MYO9B: variants seen among roughly 807,000 people sequenced by gnomAD.
The protein encoded by MYO9B is myosin IXB.
Under a neutral mutation model 229.5 loss-of-function variants are expected in MYO9B, and 71 were observed. The ratio of observed to expected loss-of-function variants is 0.31; its 90% CI spans 0.26 to 0.38. The LOEUF is 0.38. MYO9B is among the 10% of genes least tolerant of loss of function. MYO9B has a pLI of 1.00. For synonymous variants in MYO9B, 1,185 were observed against 1,235.8 expected (o/e 0.96, Z 0.86); for missense variants, 2,255 against 2,920.5 (o/e 0.77, Z 5.25).
rs1042895407 is a variant in MYO9B, at chr19:17,193,204, C to G, written c.3128+142C>G. The G allele has an allele frequency of 1.0e-6, 1 of 1,003,444 alleles. No individual in the cohort carries two copies. Among genetic ancestry groups the G allele is most frequent in the African/African-American group, 1.6e-5 (1 of 60,784 alleles). 62.2% of individuals were successfully genotyped at this position (1,003,444 alleles called of 1,614,324 possible). A position where few individuals can be genotyped will look rare whatever the true frequency, so the allele number is the denominator to read the frequency against. On this transcript the variant is annotated intron_variant, in intron 21 of 39. Transcript: ENST00000682292. This position sits in a 1 kb window ranked among gnomAD's most constrained non-coding sequence, Gnocchi z 4.3. The stretch of plus-strand genomic sequence containing the variant: ...ACACAGGGAAAGGCTGGTGGGAAAC[C>G]AGATGCCTAGGCACTCATGGGCTGC...
rs1266538258 is a variant in MYO9B at position 17,102,236 on chromosome 19, A to G, written c.519A>G (p.Gln173=). 4 of 1,552,712 alleles carry G rather than the reference A, an allele frequency of 2.6e-6. No individual in the cohort carries two copies. The highest frequency in any genetic ancestry group is 3.5e-6 in the Non-Finnish European group (4 of 1,148,904). ...ACCTCAAGCACCGCTTCCTGCAACA[A>G]AAGATCTACACGTACGCGGGGAGCA... ...LKNLKHRFLQ[Q]KIYTYAGSIL... The change falls in exon 2 of 40, where the codon CAA becomes CAG. Residue 173 remains glutamine, a synonymous_variant. Coordinates refer to ENST00000682292, the MANE Select transcript of MYO9B (RefSeq NM_004145.4).
At chr19:17,191,348 G>T in intron 20 of MYO9B, 129 bp downstream of exon 20, 1 of 1,240,542 alleles carries the variant, frequency 8.1e-7, no homozygotes, top group Non-Finnish European at 1.1e-6. Context: ...GCATTTCTCG[G>T]GACCCAGCAG....
rs775641760 is a variant in MYO9B at position 17,162,338 on chromosome 19, C to T, written c.1420-12C>T. On this transcript the variant is annotated splice_polypyrimidine_tract_variant and intron_variant, in intron 8 of 39. Transcript: ENST00000682292. ...CCGTGCCGGAGGTGAGTCACCCCCTCTGTGTCCACAGGCCATCACTGCCCG... is the reference window on the plus strand; with the variant it reads ...CCGTGCCGGAGGTGAGTCACCCCCTTTGTGTCCACAGGCCATCACTGCCCG... 4.5e-6 allele frequency: 7 copies of T among 1,558,228 alleles called. No homozygotes were observed. The highest frequency in any genetic ancestry group is 5.2e-6 in the Non-Finnish European group (6 of 1,152,904).
rs780851251 is a variant in MYO9B, at chr19:17,172,367, G to A, written c.1825G>A (p.Ala609Thr). 1 of 1,613,982 alleles carries A rather than the reference G, an allele frequency of 6.2e-7. No homozygotes were observed. Among genetic ancestry groups the A allele is most frequent in the Non-Finnish European group, 8.5e-7 (1 of 1,179,880 alleles). ...CCACGCCACGAGCCAGACCCTGCTG[G>A]CCAAGTTCAAACAGCAACATGAGGA... ...FPHATSQTLL[A>T]KFKQQHEDNK... The change falls in exon 12 of 40, where the codon GCC (alanine) becomes ACC (threonine). Residue 609 changes from alanine (A) to threonine (T), a missense_variant. By Grantham distance (58) the Ala-to-Thr change is moderately conservative (BLOSUM62 0). Coordinates refer to ENST00000682292, the MANE Select transcript of MYO9B (RefSeq NM_004145.4). This position sits in a 1 kb window ranked among gnomAD's most constrained non-coding sequence, Gnocchi z 8.2.
At chr19:17,112,450 C>T (rs62127867) in intron 2 of MYO9B, among the ~76,000 whole-genome samples, 21,263 of 152,200 alleles carry the variant, frequency 0.14, 1,751 homozygotes, top group Non-Finnish European at 0.19. Context: ...GCGGACGGGC[C>T]GGCTGGCGGG....
In MYO9B at chr19:17,211,929, G is replaced by GCCCCCCCCCCGCCCCCCC; in HGVS notation, c.6096_6097insCCCCCCCGCCCCCCCCCC (p.Pro2032_Thr2033insProProArgProProPro). ...CGCCTGCTCTCCCTTGCCCCGGCGC[G>GCCCCCCCCCCGCCCCCCC]CCCACCCCGAGCCCCCTCCCCACCG... On this transcript the variant is annotated inframe_insertion, in exon 40 of 40. Transcript: ENST00000682292. 3.2e-6 allele frequency: 5 copies of GCCCCCCCCCCGCCCCCCC among 1,552,372 alleles called. No homozygotes were observed. Among genetic ancestry groups the GCCCCCCCCCCGCCCCCCC allele is most frequent in the Admixed American group, 1.9e-5 (1 of 52,954 alleles).
intron 2 of MYO9B, among the ~76,000 whole-genome samples, chr19:17,119,694 C>T (rs2057942775): frequency 6.6e-6 from 1 of 152,172 alleles, no homozygotes; most frequent in South Asian, 2.1e-4. Flanking sequence ...TTCTGTCACC[C>T]AGGCTGGAGT....
At chr19:17,102,693 G>A in intron 2 of MYO9B, 136 bp downstream of exon 2, 1 of 1,274,334 alleles carries the variant, frequency 7.8e-7, no homozygotes, top group East Asian at 2.6e-5. Context: ...TTGAGCCCAG[G>A]AGTTCAAGAT....
chr19:17,095,732 G>T (rs183151491), intron 1 of MYO9B: 5 of 152,300 alleles, frequency 3.3e-5, no homozygotes, highest in Admixed American at 1.3e-4. Flanking sequence ...GAATTGCTAC[G>T]TCTGTATGTA....
chr19:17,197,811 T>C lies in MYO9B; in HGVS notation c.4066T>C (p.Ser1356Pro). 1 of 1,613,752 alleles carries C rather than the reference T, an allele frequency of 6.2e-7. No individual in the cohort carries two copies. The highest frequency in any genetic ancestry group is 8.5e-7 in the Non-Finnish European group (1 of 1,179,888). The change falls in exon 23 of 40, where the codon TCC becomes CCC. Residue 1356 changes from serine (S) to proline (P), a missense_variant. This residue lies in a region of MYO9B where 679 missense variants were observed against 770.2 expected (regional missense o/e 0.88). Coordinates refer to ENST00000682292, the MANE Select transcript of MYO9B (RefSeq NM_004145.4). ...TPTEERRTSF[S>P]TSDVSKLLPS... is the part of the protein sequence containing the mutation. ...TCGCAGGGAGAGGCGCACCTCCTTC[T>C]CCACGAGCGACGTCTCCAAGCTCCT...
chr19:17,111,994 G>A (rs998381985), intron 2 of MYO9B, among the ~76,000 whole-genome samples: 6 of 152,274 alleles, frequency 3.9e-5, no homozygotes, highest in Admixed American at 1.3e-4. Flanking sequence ...CATATTCCAC[G>A]GTATGGATGG....
rs377413547 is a variant in MYO9B, at chr19:17,180,985, C to G, written c.2278C>G (p.Pro760Ala). 2.3e-5 allele frequency: 37 copies of G among 1,611,258 alleles called. No individual in the cohort carries two copies. The highest frequency in any genetic ancestry group is 5.1e-6 in the Non-Finnish European group (6 of 1,178,930). The change falls in exon 15 of 40, where the codon CCC becomes GCC. Residue 760 changes from proline (P) to alanine (A), a missense_variant. By Grantham distance (27) the Pro-to-Ala change is conservative. Around this residue, in one of 7 missense-constraint regions of MYO9B, gnomAD observed 155 missense variants for 159.1 expected, o/e 0.97. Transcript: ENST00000682292. ...IKGLPWQGEDPRSLLQSLSRL... is the reference protein window; with the variant it reads ...IKGLPWQGEDARSLLQSLSRL... ...AGGATTGCCCTGGCAGGGCGAGGAC[C>G]CCCGTAGCCTTCTCCAGTCCCTCAG... is the stretch of plus-strand genomic sequence containing the variant.
At chr19:17,205,905 A>C in intron 31 of MYO9B, 55 bp from the exon 32 acceptor site, 1 of 1,494,362 alleles carries the variant, frequency 6.7e-7, no homozygotes, top group Admixed American at 2.3e-5. Flanking sequence ...CCCCAGAGAC[A>C]GCTGGAGAGG....
At chr19:17,183,305 G>C (rs2072881518) in intron 15 of MYO9B, among the ~76,000 whole-genome samples, 2 of 152,156 alleles carry the variant, frequency 1.3e-5, no homozygotes, top group Non-Finnish European at 2.9e-5. Context: ...TGCAGGGCAA[G>C]TCCCTGCCCT....
intron 2 of MYO9B, among the ~76,000 whole-genome samples, chr19:17,137,916 T>A (rs1157213199): frequency 6.6e-6 from 1 of 151,542 alleles, no homozygotes; most frequent in African/African-American, 2.4e-5. Context: ...TTTTTTTTTT[T>A]AATACTTTAA....
chr19:17,168,178 T>C, intron 11 of MYO9B, 114 bp downstream of exon 11: 1 of 1,389,406 alleles, frequency 7.2e-7, no homozygotes, highest in Non-Finnish European at 9.7e-7. Context: ...CGCCTTTTTA[T>C]TTTTGAGACA....
intron 11 of MYO9B, among the ~76,000 whole-genome samples, chr19:17,168,630 G>T (rs945172191): frequency 6.6e-6 from 1 of 152,226 alleles, no homozygotes; most frequent in South Asian, 2.1e-4. Context: ...ATGGGCCTAT[G>T]CCTAGAAACT....
intron 2 of MYO9B, among the ~76,000 whole-genome samples, chr19:17,109,029 T>G (rs978788988): frequency 7.0e-6 from 1 of 143,328 alleles, no homozygotes; most frequent in Non-Finnish European, 1.5e-5. Context: ...ATCTTTTTTT[T>G]AATTTTATTT....
At chr19:17,179,039 A>C (rs956323181) in intron 14 of MYO9B, among the ~76,000 whole-genome samples, 3 of 151,674 alleles carry the variant, frequency 2.0e-5, no homozygotes, top group African/African-American at 7.3e-5. Context: ...AAAAAAAAAA[A>C]AAAAAAAAAC....
Sources: allele counts gnomAD v4.1 joint callset (sites outside exome capture counted in the v4.1 genomes callset), GRCh38; gene constraint gnomAD v4.1.1; regional missense constraint gnomAD v4.1.1; non-coding constraint Gnocchi (gnomAD v3.1); transcripts MANE v1.5; gene names NCBI Gene and HGNC (gene_info 2026-07-23, HGNC 2026-07-21).